Variants in TRPM3 observed in about 807,000 individuals in gnomAD.
TRPM3 encodes long transient receptor potential channel 3.
Under a neutral mutation model 181.2 loss-of-function variants are expected in TRPM3, and 77 were observed. The ratio of observed to expected loss-of-function variants is 0.42; its 90% CI spans 0.35 to 0.51. The LOEUF (loss-of-function observed/expected upper bound fraction) is 0.51. Among genes scored for constraint, TRPM3 ranks in the 20% least tolerant of loss-of-function variants. TRPM3 has a pLI of 0.01. For missense variants in TRPM3, 1,759 were observed against 2,196.7 expected (o/e 0.80, Z 3.98); for synonymous variants, 745 against 796.4 (o/e 0.94, Z 1.09).
chr9:71,416,946 G>A (rs1035039841), intron 1 of TRPM3, among the ~76,000 whole-genome samples: 1 of 151,712 alleles, frequency 6.6e-6, no homozygotes, highest in African/African-American at 2.4e-5. Context: ...TTCTGTGTCT[G>A]GTTTCTTTAC....
chr9:71,292,603 T>C (rs1317053039), intron 1 of TRPM3, among the ~76,000 whole-genome samples: 2 of 151,840 alleles, frequency 1.3e-5, no homozygotes, highest in African/African-American at 2.4e-5. Context: ...ATTGGAGAAA[T>C]AGAAAATTAG....
At chr9:70,849,166 A>T (rs1457926002) in intron 3 of TRPM3, among the ~76,000 whole-genome samples, 1 of 152,102 alleles carries the variant, frequency 6.6e-6, no homozygotes, top group Non-Finnish European at 1.5e-5. Context: ...TTGTTTTGAG[A>T]TAGAGTCTTG....
intron 1 of TRPM3, among the ~76,000 whole-genome samples, chr9:71,057,229 A>G (rs1280132038): frequency 6.6e-6 from 1 of 151,926 alleles, no homozygotes; most frequent in Non-Finnish European, 1.5e-5. Context: ...GGGGCAGTCC[A>G]TTGCTCTTCT....
At chr9:70,885,373 T>C (rs1270459420) in intron 1 of TRPM3, among the ~76,000 whole-genome samples, 1 of 152,164 alleles carries the variant, frequency 6.6e-6, no homozygotes, top group Admixed American at 6.5e-5. Context: ...TTGCCAAATG[T>C]CCCTTGAGGG....
At chr9:71,188,524 C>A (rs2077822305) in intron 1 of TRPM3, among the ~76,000 whole-genome samples, 1 of 151,782 alleles carries the variant, frequency 6.6e-6, no homozygotes, top group Admixed American at 6.6e-5. Context: ...ATTATAAATA[C>A]TATAATGATT....
intron 1 of TRPM3, among the ~76,000 whole-genome samples, chr9:71,396,910 G>A (rs995190371): frequency 1.5e-3 from 226 of 150,718 alleles, no homozygotes; most frequent in African/African-American, 5.3e-3. Context: ...AGGTTGCAGT[G>A]AGCCTAGATC....
At chr9:71,207,221 C>A (rs1473211493) in intron 1 of TRPM3, among the ~76,000 whole-genome samples, 2 of 152,062 alleles carry the variant, frequency 1.3e-5, no homozygotes, top group Non-Finnish European at 2.9e-5. Flanking sequence ...AAACACCATG[C>A]TGCTAACAAT....
intron 22 of TRPM3, among the ~76,000 whole-genome samples, chr9:70,569,320 T>C (rs1215884769): frequency 6.6e-6 from 1 of 152,224 alleles, no homozygotes; most frequent in Admixed American, 6.5e-5. Context: ...CCTTGACTGA[T>C]AGCTTTATTT....
chr9:70,873,607 C>T (rs1202381655), intron 1 of TRPM3, among the ~76,000 whole-genome samples: 1 of 151,980 alleles, frequency 6.6e-6, no homozygotes, highest in Non-Finnish European at 1.5e-5. Flanking sequence ...CTTCTCTACT[C>T]GATCAATGCC....
At chr9:70,640,781 G>C (rs2133581059) in intron 9 of TRPM3, 121 bp from the exon 10 acceptor site, 1 of 694,262 alleles carries the variant, frequency 1.4e-6, no homozygotes, top group East Asian at 2.7e-5. Flanking sequence ...AGCCTGCTTG[G>C]CTATACAGCA....
intron 21 of TRPM3, among the ~76,000 whole-genome samples, chr9:70,595,741 C>T (rs1012973152): frequency 6.6e-6 from 1 of 152,160 alleles, no homozygotes; most frequent in Non-Finnish European, 1.5e-5. Context: ...AATCTAGACT[C>T]TCTGCTTTTA....
At chr9:71,077,781 A>G (rs1435921663) in intron 1 of TRPM3, among the ~76,000 whole-genome samples, 1 of 152,156 alleles carries the variant, frequency 6.6e-6, no homozygotes, top group Non-Finnish European at 1.5e-5. Context: ...CAGGCACTAT[A>G]GGCACTCCAT....
chr9:71,177,862 A>T (rs1476487620), intron 1 of TRPM3, among the ~76,000 whole-genome samples: 1 of 149,686 alleles, frequency 6.7e-6, no homozygotes, highest in Non-Finnish European at 1.5e-5. Flanking sequence ...TTTTCTGTTT[A>T]CCTTACTTTC....
At chr9:70,697,708 A>C (rs929358854) in intron 8 of TRPM3, among the ~76,000 whole-genome samples, 1 of 152,142 alleles carries the variant, frequency 6.6e-6, no homozygotes, top group East Asian at 1.9e-4. Flanking sequence ...AATTAAGTGG[A>C]CCTCTCTGAC....
intron 8 of TRPM3, among the ~76,000 whole-genome samples, chr9:70,747,938 T>C (rs1357357990): frequency 1.3e-5 from 2 of 152,020 alleles, no homozygotes; most frequent in Admixed American, 1.3e-4. Context: ...CATTTGGGAA[T>C]TATCTTGATT....
At chr9:70,890,059 A>G (rs1339584690) in intron 1 of TRPM3, among the ~76,000 whole-genome samples, 1 of 148,126 alleles carries the variant, frequency 6.8e-6, no homozygotes, top group African/African-American at 2.5e-5. Flanking sequence ...TATATATAAT[A>G]TACAAATATA....
At chr9:71,274,055 T>C (rs1210647000) in intron 1 of TRPM3, among the ~76,000 whole-genome samples, 1 of 152,220 alleles carries the variant, frequency 6.6e-6, no homozygotes, top group African/African-American at 2.4e-5. Flanking sequence ...TGTTGTACAC[T>C]GTTCATTCTC....
intron 1 of TRPM3, among the ~76,000 whole-genome samples, chr9:71,241,645 A>C (rs1407521537): frequency 2.0e-5 from 3 of 152,150 alleles, no homozygotes; most frequent in African/African-American, 7.2e-5. Flanking sequence ...TTAAAGTATA[A>C]TTTAAAAAAA....
At chr9:71,240,257 A>G (rs2081587380) in intron 1 of TRPM3, among the ~76,000 whole-genome samples, 1 of 152,192 alleles carries the variant, frequency 6.6e-6, no homozygotes, top group African/African-American at 2.4e-5. Flanking sequence ...AACATTGAAT[A>G]ATTATTTTGA....
Sources: gnomAD v4.1 joint callset for allele counts (sites outside exome capture counted in the v4.1 genomes callset) on GRCh38, gnomAD v4.1.1 for gene constraint, MANE v1.5 for transcripts, NCBI Gene and HGNC (gene_info 2026-07-23, HGNC 2026-07-21) for gene names.